LRGUK: variants seen among roughly 807,000 people sequenced by gnomAD.
The protein encoded by LRGUK is leucine rich repeats and guanylate kinase domain containing.
LRGUK carries 65 observed loss-of-function variants against 76.0 expected under a neutral mutation model. The ratio of observed to expected loss-of-function variants is 0.85; its 90% CI spans 0.70 to 1.05. The LOEUF (loss-of-function observed/expected upper bound fraction) is 1.05. LRGUK is among the 50% of genes least tolerant of loss of function. The pLI, the probability that LRGUK is intolerant of heterozygous loss-of-function variation, is 0.00. For synonymous variants in LRGUK, 268 were observed against 265.6 expected (o/e 1.01, Z -0.09); for missense variants, 758 against 732.8 (o/e 1.03, Z -0.40).
chr7:134,240,484 G>A (rs1458215172), intron 16 of LRGUK, among the ~76,000 whole-genome samples: 2 of 152,012 alleles, frequency 1.3e-5, no homozygotes, highest in African/African-American at 2.4e-5. Context: ...GAAATGAAGC[G>A]AGAAGAGAAG....
chr7:134,178,768 A>G (rs187517317), intron 10 of LRGUK, among the ~76,000 whole-genome samples, 159 bp downstream of exon 10: 63 of 151,844 alleles, frequency 4.1e-4, no homozygotes, highest in African/African-American at 1.5e-3. Flanking sequence ...TTGATAGACA[A>G]TATTGTCTCC....
chr7:134,165,937 CA>C, intron 7 of LRGUK, among the ~76,000 whole-genome samples: 1 of 152,180 alleles, frequency 6.6e-6, no homozygotes, highest in African/African-American at 2.4e-5. Flanking sequence ...AAAGAGGCTC[CA>C]TGAAAAAAAA....
chr7:134,164,616 T>C (rs1798893798), intron 7 of LRGUK, among the ~76,000 whole-genome samples: 1 of 152,200 alleles, frequency 6.6e-6, no homozygotes, highest in African/African-American at 2.4e-5. Flanking sequence ...AAGTTCAATG[T>C]TTATTTCTTC....
At chr7:134,219,570 A>T (rs1212603293) in intron 15 of LRGUK, among the ~76,000 whole-genome samples, 2 of 152,188 alleles carry the variant, frequency 1.3e-5, no homozygotes, top group African/African-American at 4.8e-5. Context: ...TATCTTATTT[A>T]TATGGTTCCA....
At chr7:134,203,794 G>C (rs1219834177) in intron 15 of LRGUK, among the ~76,000 whole-genome samples, 1 of 152,198 alleles carries the variant, frequency 6.6e-6, no homozygotes, top group Non-Finnish European at 1.5e-5. Flanking sequence ...CGGTTCTTTA[G>C]AAAGCCATCT....
chr7:134,185,846 A>G (rs1283026336), intron 11 of LRGUK, among the ~76,000 whole-genome samples: 2 of 152,150 alleles, frequency 1.3e-5, no homozygotes, highest in Non-Finnish European at 2.9e-5. Context: ...TATTTGAACA[A>G]CTCTAGGCCA....
In LRGUK at chr7:134,207,422, T is replaced by G. The variant is rs143979340; in HGVS notation, c.1844-1285T>G. On this transcript the variant is annotated intron_variant, in intron 15 of 15. Transcript: ENST00000645682. ...TTTTTCAATTTAACCTTGTTTCTTG[T>G]CTAAGCTAGTATTTCAGTTTATAAC... Among the ~76,000 whole-genome samples, 214 of 152,316 alleles carry G rather than the reference T, an allele frequency of 1.4e-3. 3 individuals carry two copies. The East Asian group carries it at 0.032, about 23-fold the overall frequency.
At chr7:134,258,192 T>C in intron 18 of LRGUK, 65 bp from the exon 19 acceptor site, 1 of 1,596,680 alleles carries the variant, frequency 6.3e-7, no homozygotes, top group Non-Finnish European at 8.6e-7. Context: ...TAGGCATAGA[T>C]CGTGTGGCCA....
At chr7:134,172,159 A>T (rs1799282001) in intron 7 of LRGUK, among the ~76,000 whole-genome samples, 1 of 152,188 alleles carries the variant, frequency 6.6e-6, no homozygotes, top group Admixed American at 6.5e-5. Context: ...ATCATTGTAA[A>T]TATCACTATC....
chr7:134,134,077 G>T (rs10272294), intron 1 of LRGUK, among the ~76,000 whole-genome samples: 5 of 151,730 alleles, frequency 3.3e-5, no homozygotes, highest in Admixed American at 1.3e-4. Context: ...AAAAGAAAAA[G>T]AAAAAAAGAA....
At chr7:134,199,260 A>G in exon 14 of LRGUK, 1 of 1,613,886 alleles carries the variant, frequency 6.2e-7, no homozygotes, top group South Asian at 1.1e-5. Flanking sequence ...GAGCCTCGTT[A>G]TATCCTGGTG....
At chr7:134,207,599 G>A (rs572460343) in intron 15 of LRGUK, among the ~76,000 whole-genome samples, 7 of 152,182 alleles carry the variant, frequency 4.6e-5, no homozygotes, top group Admixed American at 3.9e-4. Context: ...CAGACCAGGG[G>A]CTCAGTGAGA....
Position 134,228,357 on chromosome 7 carries a change from G to A in LRGUK, c.1983+6439G>A, listed in dbSNP as rs138526834. Among the ~76,000 whole-genome samples, 577 of 152,166 alleles carry A rather than the reference G, an allele frequency of 3.8e-3. 5 individuals are homozygous for A. Among genetic ancestry groups the A allele is most frequent in the African/African-American group, 0.013 (538 of 41,526 alleles). ...GGGAACAGTAGAGAATTTTCTTTTG[G>A]CAGAATGAAAATGATTTCAGATAGA... is the stretch of plus-strand genomic sequence containing the variant. On this transcript the variant is annotated intron_variant, in intron 16 of 19. Transcript: ENST00000285928.
At chr7:134,183,694 T>C in intron 10 of LRGUK, 40 bp from the exon 11 acceptor site, 1 of 1,611,564 alleles carries the variant, frequency 6.2e-7, no homozygotes, top group Non-Finnish European at 8.5e-7. Flanking sequence ...GCTGTCTCCC[T>C]GACTGCAATA....
At chr7:134,180,935 CT>C (rs1484927670) in intron 10 of LRGUK, among the ~76,000 whole-genome samples, 2 of 152,150 alleles carry the variant, frequency 1.3e-5, no homozygotes, top group African/African-American at 4.8e-5. Context: ...CTCTAATGTA[CT>C]TTTGTCTCTA....
At chr7:134,158,153 T>C (rs1248551806) in exon 6 of LRGUK, 6 of 1,611,832 alleles carry the variant, frequency 3.7e-6, no homozygotes, top group Admixed American at 3.3e-5. Context: ...TCAAAATACT[T>C]TGTCTGGTGA....
At chr7:134,167,934 A>G (rs1171057934) in intron 7 of LRGUK, among the ~76,000 whole-genome samples, 1 of 152,150 alleles carries the variant, frequency 6.6e-6, no homozygotes, top group Non-Finnish European at 1.5e-5. Context: ...GTTATGTCAT[A>G]TTGCATATTC....
downstream of LRGUK, among the ~76,000 whole-genome samples, chr7:134,267,526 C>A (rs985957748): frequency 6.6e-6 from 1 of 152,146 alleles, no homozygotes; most frequent in African/African-American, 2.4e-5. Flanking sequence ...ATAATTGAAT[C>A]ATGGGGCACT....
chr7:134,160,504 C>T (rs964290765), intron 6 of LRGUK, among the ~76,000 whole-genome samples: 1 of 152,022 alleles, frequency 6.6e-6, no homozygotes, highest in Admixed American at 6.5e-5. Context: ...ATTTTTAATT[C>T]ATGGAATCAA....
Sources: gnomAD v4.1 joint callset for allele counts (sites outside exome capture counted in the v4.1 genomes callset) on GRCh38, gnomAD v4.1.1 for gene constraint, MANE v1.5 for transcripts, NCBI Gene and HGNC (gene_info 2026-07-23, HGNC 2026-07-21) for gene names.